The following IGSF11 variants were observed in gnomAD, a reference collection of about 807,000 sequenced individuals.
IGSF11 encodes immunoglobulin superfamily member 11.
IGSF11 carries 22 observed loss-of-function variants against 41.0 expected under a neutral mutation model. That is an observed-to-expected ratio of 0.54 (90% confidence interval 0.38 to 0.77). IGSF11 has a LOEUF of 0.77. Ranked by LOEUF, IGSF11 falls within the 30% of genes least tolerant of loss-of-function variation. The pLI, the probability that IGSF11 is intolerant of heterozygous loss-of-function variation, is 0.00. For synonymous variants in IGSF11, 219 were observed against 201.3 expected (o/e 1.09, Z -0.74); for missense variants, 444 against 530.8 (o/e 0.84, Z 1.61).
chr3:119,034,882 C>G (rs938169750), upstream of IGSF11: 7 of 1,151,686 alleles, frequency 6.1e-6, no homozygotes, highest in African/African-American at 9.6e-5. Flanking sequence ...AGCCACTCCC[C>G]CCAACTCACG....
At chr3:119,132,099 G>A (rs970321287) in intron 1 of IGSF11, among the ~76,000 whole-genome samples, 3 of 152,110 alleles carry the variant, frequency 2.0e-5, no homozygotes, top group Non-Finnish European at 4.4e-5. Context: ...GCAAAAACAT[G>A]CCAAACTGTA....
At chr3:119,049,012 C>G (rs1941497244) in intron 1 of IGSF11, among the ~76,000 whole-genome samples, 1 of 151,530 alleles carries the variant, frequency 6.6e-6, no homozygotes, top group South Asian at 2.1e-4. Flanking sequence ...ATAATAAGAG[C>G]TATCTATGAC....
chr3:118,987,692 G>A (rs1184841067), intron 1 of IGSF11, among the ~76,000 whole-genome samples: 1 of 152,228 alleles, frequency 6.6e-6, no homozygotes, highest in Non-Finnish European at 1.5e-5. Flanking sequence ...AATTCACTAG[G>A]CATGTGACTT....
chr3:119,044,949 G>A (rs896176459), intron 1 of IGSF11, among the ~76,000 whole-genome samples: 4 of 152,102 alleles, frequency 2.6e-5, no homozygotes, highest in Admixed American at 2.0e-4. Flanking sequence ...AAATAGAACC[G>A]CCTTAAAGCA....
At chr3:119,086,540 G>A (rs1467589799) in intron 1 of IGSF11, among the ~76,000 whole-genome samples, 4 of 152,004 alleles carry the variant, frequency 2.6e-5, no homozygotes, top group Non-Finnish European at 5.9e-5. Flanking sequence ...CACCTACAAG[G>A]GGAACCCCAT....
At chr3:119,065,513 C>T (rs531224414) in intron 1 of IGSF11, among the ~76,000 whole-genome samples, 13 of 152,066 alleles carry the variant, frequency 8.5e-5, no homozygotes, top group East Asian at 7.7e-4. Flanking sequence ...AGGAAGCAGG[C>T]GGGGGGCAGT....
At chr3:118,981,532 C>T (rs1046413941) in intron 1 of IGSF11, among the ~76,000 whole-genome samples, 8 of 152,184 alleles carry the variant, frequency 5.3e-5, no homozygotes, top group African/African-American at 1.9e-4. Context: ...ATCCCTGACA[C>T]AGTTTCCAGT....
At chr3:119,131,737 G>T (rs1346520956) in intron 1 of IGSF11, among the ~76,000 whole-genome samples, 3 of 152,064 alleles carry the variant, frequency 2.0e-5, no homozygotes, top group Non-Finnish European at 4.4e-5. Context: ...CTAACCCCAA[G>T]ACACATAATT....
intron 1 of IGSF11, among the ~76,000 whole-genome samples, chr3:119,079,301 A>C (rs1015256049): frequency 1.1e-4 from 16 of 152,110 alleles, no homozygotes; most frequent in African/African-American, 3.9e-4. Context: ...CGGAGGTTAC[A>C]GTGAGCTGAA....
intron 1 of IGSF11, among the ~76,000 whole-genome samples, chr3:118,966,724 G>C (rs943491186): frequency 1.3e-5 from 2 of 152,188 alleles, no homozygotes; most frequent in Non-Finnish European, 1.5e-5. Context: ...ACTTTAATAA[G>C]GGTTAGGTTT....
At chr3:118,941,749 A>C (rs1458643383) in intron 1 of IGSF11, among the ~76,000 whole-genome samples, 1 of 152,236 alleles carries the variant, frequency 6.6e-6, no homozygotes, top group East Asian at 1.9e-4. Flanking sequence ...TGGATAAAAC[A>C]ATTGTGACAC....
At chr3:119,112,108 A>C (rs370002188) in intron 1 of IGSF11, among the ~76,000 whole-genome samples, 1 of 152,164 alleles carries the variant, frequency 6.6e-6, no homozygotes, top group Non-Finnish European at 1.5e-5. Context: ...TGGGAGAACC[A>C]CTGCTCTCTT....
At chr3:118,963,825 T>C (rs1161763447) in intron 1 of IGSF11, among the ~76,000 whole-genome samples, 24 of 152,178 alleles carry the variant, frequency 1.6e-4, no homozygotes, top group Admixed American at 1.6e-3. Context: ...AGGCTACAAT[T>C]TTAATTAATA....
At chr3:118,974,920 A>G (rs1168671608) in intron 1 of IGSF11, among the ~76,000 whole-genome samples, 3 of 152,196 alleles carry the variant, frequency 2.0e-5, no homozygotes. Context: ...AGATAACAAA[A>G]AAAAAAAATT....
chr3:118,922,037 A>G (rs1285254135), intron 4 of IGSF11, among the ~76,000 whole-genome samples: 2 of 151,950 alleles, frequency 1.3e-5, no homozygotes, highest in Non-Finnish European at 2.9e-5. Context: ...GAAAAAAAAA[A>G]CCCATAGGCC....
intron 1 of IGSF11, chr3:118,946,063 T>A (rs547345997): frequency 3.4e-4 from 52 of 152,210 alleles, no homozygotes; most frequent in African/African-American, 1.2e-3. Context: ...CTGTCCCAGA[T>A]ACAGAGAAGA....
intron 1 of IGSF11, among the ~76,000 whole-genome samples, chr3:118,977,303 G>A (rs1160044283): frequency 6.6e-6 from 1 of 152,156 alleles, no homozygotes; most frequent in Admixed American, 6.5e-5. Context: ...CAGACAGGCA[G>A]CAACAGCTTG....
At chr3:119,021,444 C>T (rs775116821) in intron 1 of IGSF11, among the ~76,000 whole-genome samples, 2 of 151,924 alleles carry the variant, frequency 1.3e-5, no homozygotes, top group Non-Finnish European at 2.9e-5. Flanking sequence ...CTGTTTGGGA[C>T]CATATGTGTC....
chr3:119,129,157 T>C (rs1226887626), intron 1 of IGSF11, among the ~76,000 whole-genome samples: 1 of 151,702 alleles, frequency 6.6e-6, no homozygotes, highest in African/African-American at 2.4e-5. Context: ...CAGGGCCTGT[T>C]GTGGGGTGGG....
Sources: gnomAD v4.1 joint callset for allele counts (sites outside exome capture counted in the v4.1 genomes callset) on GRCh38, gnomAD v4.1.1 for gene constraint, MANE v1.5 for transcripts, NCBI Gene and HGNC (gene_info 2026-07-23, HGNC 2026-07-21) for gene names.